VPS13D: variants seen among roughly 807,000 people sequenced by gnomAD.
VPS13D encodes the protein intermembrane lipid transfer protein VPS13D.
VPS13D carries 187 observed loss-of-function variants against 461.9 expected under a neutral mutation model. That is an observed-to-expected ratio of 0.40 (90% confidence interval 0.36 to 0.46). VPS13D has a LOEUF of 0.46. Ranked by LOEUF, VPS13D falls within the 20% of genes least tolerant of loss-of-function variation. The pLI is 0.60. For synonymous variants in VPS13D, 1,951 were observed against 1,986.3 expected (o/e 0.98, Z 0.47); for missense variants, 4,711 against 5,364.9 (o/e 0.88, Z 3.81).
At chr1:12,285,288 A>T (rs906736526) in intron 21 of VPS13D, among the ~76,000 whole-genome samples, 21 of 145,144 alleles carry the variant, frequency 1.4e-4, no homozygotes, top group African/African-American at 2.6e-4. Context: ...TTATTTATTT[A>T]TTTATTTATT....
chr1:12,310,869 T>TTCCCTCCC (rs1642725302), intron 27 of VPS13D, among the ~76,000 whole-genome samples: 1 of 106,212 alleles, frequency 9.4e-6, no homozygotes, highest in Admixed American at 1.2e-4. Context: ...CCTTCCCTCC[T>TTCCCTCCC]TCCCTCCTTC....
At chr1:12,294,396 C>A (rs1642216756) in intron 24 of VPS13D, among the ~76,000 whole-genome samples, 1 of 152,134 alleles carries the variant, frequency 6.6e-6, no homozygotes, top group Non-Finnish European at 1.5e-5. Context: ...CGCTGAAGAC[C>A]CAGCTTCGCA....
intron 67 of VPS13D, among the ~76,000 whole-genome samples, chr1:12,466,185 A>G (rs1645481131): frequency 6.6e-6 from 1 of 152,134 alleles, no homozygotes; most frequent in Non-Finnish European, 1.5e-5. Flanking sequence ...GCTTCCATTA[A>G]CTTTTTCATC....
chr1:12,267,886 A>G lies in VPS13D; in HGVS notation c.1767A>G (p.Gln589=). 1 of 1,614,188 alleles carries G rather than the reference A, an allele frequency of 6.2e-7. No individual in the cohort carries two copies. The highest frequency in any genetic ancestry group is 8.5e-7 in the Non-Finnish European group (1 of 1,180,028). ...VGRVSQSFGL[Q]TTSADRSDHY... Reference sequence around the variant, plus strand: ...GAGTCTCACAATCTTTTGGTCTACAAACTACATCTGCAGACAGAAGTGATC... The same window carrying G: ...GAGTCTCACAATCTTTTGGTCTACAGACTACATCTGCAGACAGAAGTGATC... The change falls in exon 15 of 70, where the codon CAA becomes CAG. Residue 589 remains glutamine (Q), a synonymous_variant. Coordinates refer to ENST00000620676, the MANE Select transcript of VPS13D (RefSeq NM_015378.4).
chr1:12,310,487 T>C (rs2101493409), intron 27 of VPS13D, among the ~76,000 whole-genome samples: 1 of 152,270 alleles, frequency 6.6e-6, no homozygotes, highest in African/African-American at 2.4e-5. Context: ...GGTACAGATG[T>C]GTGCCCCTCC....
intron 61 of VPS13D, among the ~76,000 whole-genome samples, chr1:12,400,866 A>G (rs1644565443): frequency 6.6e-6 from 1 of 151,666 alleles, no homozygotes; most frequent in South Asian, 2.1e-4. Flanking sequence ...CTGAGGTGGG[A>G]GGTCCTGAGC....
Position 12,271,112 on chromosome 1 carries a change from G to A in VPS13D, c.2091G>A (p.Val697=). 6.2e-7 allele frequency: 1 copy of A among 1,613,966 alleles called. No individual in the cohort carries two copies. Among genetic ancestry groups the A allele is most frequent in the Admixed American group, 1.7e-5 (1 of 59,998 alleles). ...EIRQTLDRLL[V]GDFIEESKRW... ...GGCAAACTCTTGATCGTTTGCTAGT[G>A]GGTGATTTCATTGTAAGTGGGCATC... Residue 697 remains valine (V), a synonymous_variant, in exon 17 of 70, where the codon GTG becomes GTA. Coordinates refer to ENST00000620676, the MANE Select transcript of VPS13D (RefSeq NM_015378.4).
At chr1:12,474,223 A>G (rs994281474) in intron 67 of VPS13D, among the ~76,000 whole-genome samples, 2 of 152,156 alleles carry the variant, frequency 1.3e-5, no homozygotes, top group African/African-American at 4.8e-5. Flanking sequence ...AACAGCTGAT[A>G]AACTGTTTCA....
chr1:12,322,235 T>G (rs560199773), intron 33 of VPS13D, among the ~76,000 whole-genome samples: 1 of 152,082 alleles, frequency 6.6e-6, no homozygotes, highest in African/African-American at 2.4e-5. Flanking sequence ...CCGGCTAATT[T>G]TTTGTATTTT....
At chr1:12,435,601 C>T (rs971075072) in intron 65 of VPS13D, among the ~76,000 whole-genome samples, 39 of 152,180 alleles carry the variant, frequency 2.6e-4, no homozygotes, top group South Asian at 1.2e-3. Flanking sequence ...AGGATACTGA[C>T]GTTCAGAGAA....
At chr1:12,385,404 T>A in intron 59 of VPS13D, 31 bp downstream of exon 59, 1 of 1,556,506 alleles carries the variant, frequency 6.4e-7, no homozygotes, top group Non-Finnish European at 8.7e-7. Flanking sequence ...ATTTATTTAT[T>A]TGATCATCAG....
chr1:12,256,212 G>T (rs1640915782), intron 7 of VPS13D, 121 bp from the exon 8 acceptor site: 1 of 1,105,818 alleles, frequency 9.0e-7, no homozygotes, highest in South Asian at 1.6e-5. Flanking sequence ...AAAAATATTT[G>T]CCGCTGTGAC....
chr1:12,347,894 G>T (rs1643710402), intron 44 of VPS13D, among the ~76,000 whole-genome samples: 1 of 152,156 alleles, frequency 6.6e-6, no homozygotes, highest in African/African-American at 2.4e-5. Context: ...AATGTGTGTT[G>T]AATGTGTGAA....
chr1:12,290,795 T>G (rs970695342), intron 22 of VPS13D, among the ~76,000 whole-genome samples: 1 of 152,208 alleles, frequency 6.6e-6, no homozygotes, highest in African/African-American at 2.4e-5. Flanking sequence ...GACTTTTTTT[T>G]TCCTTTTTTG....
intron 21 of VPS13D, among the ~76,000 whole-genome samples, chr1:12,287,021 C>A (rs559485330): frequency 5.3e-5 from 8 of 152,216 alleles, no homozygotes; most frequent in Middle Eastern, 6.8e-3. Flanking sequence ...CCACCATGCC[C>A]AGCTAGTTTT....
chr1:12,300,051 G>A (rs1557694844), intron 25 of VPS13D, among the ~76,000 whole-genome samples: 1 of 151,736 alleles, frequency 6.6e-6, no homozygotes, highest in Non-Finnish European at 1.5e-5. Context: ...AGTAGTTGAT[G>A]TTAAACAAGT....
intron 68 of VPS13D, chr1:12,499,424 A>C: frequency 4.1e-6 from 4 of 981,634 alleles, no homozygotes; most frequent in African/African-American, 3.5e-5. Context: ...TTCCTCCCCA[A>C]CTCACCTCTA....
At chr1:12,419,675 A>G (rs552781524) in intron 65 of VPS13D, among the ~76,000 whole-genome samples, 2 of 152,190 alleles carry the variant, frequency 1.3e-5, no homozygotes, top group African/African-American at 4.8e-5. Context: ...TAATCCATTC[A>G]TAAGAAATCC....
intron 67 of VPS13D, among the ~76,000 whole-genome samples, chr1:12,479,579 A>G (rs952822238): frequency 6.6e-6 from 1 of 152,176 alleles, no homozygotes; most frequent in African/African-American, 2.4e-5. Flanking sequence ...CACACAGGGG[A>G]TACGTAACTT....
Sources: gnomAD v4.1 joint callset for allele counts (sites outside exome capture counted in the v4.1 genomes callset) on GRCh38, gnomAD v4.1.1 for gene constraint, MANE v1.5 for transcripts, NCBI Gene and HGNC (gene_info 2026-07-23, HGNC 2026-07-21) for gene names.